Variants in CARS2 observed in about 807,000 individuals in gnomAD.
CARS2 encodes the protein cysteinyl-tRNA synthetase 2, mitochondrial, also known as probable cysteine--tRNA ligase, mitochondrial.
In CARS2, 52 loss-of-function variants were observed where a neutral mutation model predicts 68.8. The observed-to-expected ratio is 0.76, with a 90% CI of 0.61 to 0.95. The LOEUF (loss-of-function observed/expected upper bound fraction) is 0.95, where lower values mean the gene tolerates loss of function less well. Ranked by LOEUF, CARS2 falls within the 40% of genes least tolerant of loss-of-function variation. CARS2 has a pLI of 0.00. For synonymous variants in CARS2, 314 were observed against 303.6 expected, an observed-to-expected ratio of 1.03 and a Z score of -0.36; for missense variants, 780 against 754.2, an observed-to-expected ratio of 1.03 and a Z score of -0.40.
chr13:110,701,212 C>T (rs2063775481), intron 3 of CARS2: 2 of 334,224 alleles, frequency 6.0e-6, no homozygotes, highest in South Asian at 1.1e-4. Flanking sequence ...TACAGGAGCC[C>T]GCCACCACAC....
At chr13:110,649,931 C>CTGTTTTTTTTTTTTTGTTTTTTTTTT in intron 10 of CARS2, among the ~76,000 whole-genome samples, 1 of 73,184 alleles carries the variant, frequency 1.4e-5, no homozygotes. Context: ...TGGATAACGA[C>CTGTTTTTTTTTTTTTGTTTTTTTTTT]TTTTTTTTTT....
intron 3 of CARS2, among the ~76,000 whole-genome samples, chr13:110,692,035 C>CACAT (rs1555299989): frequency 1.2e-3 from 70 of 56,012 alleles, no homozygotes; most frequent in Middle Eastern, 8.2e-3. Flanking sequence ...CACACACACA[C>CACAT]ATATATATAT....
chr13:110,666,620 C>T (rs2062656999), intron 8 of CARS2: 2 of 985,408 alleles, frequency 2.0e-6, no homozygotes, highest in Non-Finnish European at 2.4e-6. Flanking sequence ...CACTTCTGCA[C>T]TTAATGTCAC....
intron 5 of CARS2, among the ~76,000 whole-genome samples, chr13:110,686,702 G>C (rs778118507): frequency 6.6e-6 from 1 of 151,392 alleles, no homozygotes; most frequent in Non-Finnish European, 1.5e-5. Flanking sequence ...GACCACAGGC[G>C]CGCGATACCA....
intron 5 of CARS2, among the ~76,000 whole-genome samples, chr13:110,686,382 A>G (rs2063305631): frequency 6.6e-6 from 1 of 151,738 alleles, no homozygotes; most frequent in African/African-American, 2.4e-5. Flanking sequence ...AGCTGAGACT[A>G]CAGGAGCACG....
rs451856 is a variant in CARS2, at chr13:110,646,747, C to T, written c.1193+354G>A. On this transcript the variant is annotated intron_variant, in intron 11 of 14. Transcript: ENST00000257347. ...CACTCTGAGCAGGGGGCTCAGAGCC[C>T]GAGGGCCCCAGGCACACTTCCTGCC... is the stretch of plus-strand genomic sequence containing the variant. The T allele has an allele frequency of 2.8e-3, 624 of 220,792 alleles. 4 individuals carry two copies. Among genetic ancestry groups the T allele is most frequent in the African/African-American group, 0.013 (578 of 44,054 alleles). The allele number at this position is 220,792 out of a possible 1,614,324, so 13.7% of individuals were successfully genotyped here.
chr13:110,667,559 T>G, intron 7 of CARS2, 86 bp from the exon 8 acceptor site: 1 of 1,237,546 alleles, frequency 8.1e-7, no homozygotes, highest in Middle Eastern at 1.9e-4. Flanking sequence ...CTTCCAGCCT[T>G]TTTAATTCAA....
At chr13:110,675,985 G>A (rs1021387899) in intron 7 of CARS2, among the ~76,000 whole-genome samples, 9 of 152,176 alleles carry the variant, frequency 5.9e-5, no homozygotes, top group Admixed American at 1.3e-4. Flanking sequence ...GAGAAATCCC[G>A]TCTCTACTAA....
At chr13:110,651,979 C>T (rs953311342) in intron 9 of CARS2, among the ~76,000 whole-genome samples, 4 of 152,356 alleles carry the variant, frequency 2.6e-5, no homozygotes, top group African/African-American at 9.6e-5. Context: ...GCCAGGGACG[C>T]GCTCCGACGG....
intron 6 of CARS2, 65 bp downstream of exon 6, chr13:110,682,986 T>C: frequency 9.0e-7 from 1 of 1,112,118 alleles, no homozygotes; most frequent in Admixed American, 2.5e-5. Flanking sequence ...CCAGATCTCA[T>C]CTCCCCAGAG....
Position 110,701,532 on chromosome 13 carries a change from A to G in CARS2, c.299T>C (p.Ile100Thr). ...HACSYVRFDI[I>T]RRILTKVFGC... is the part of the protein sequence containing the mutation. ...AAAAACCTTGGTTAGGATCCTTCGA[A>G]TGATATCAAATCTAACATATGAGCT... The change falls in exon 3 of 15, where the codon ATT (isoleucine) becomes ACT (threonine). Residue 100 changes from isoleucine to threonine, a missense_variant. Transcript: ENST00000257347. 6.5e-7 allele frequency: 1 copy of G among 1,548,424 alleles called. No homozygotes were observed. Among genetic ancestry groups the G allele is most frequent in the Non-Finnish European group, 8.9e-7 (1 of 1,120,054 alleles).
chr13:110,679,789 C>G (rs1376408939), intron 6 of CARS2, among the ~76,000 whole-genome samples: 1 of 151,972 alleles, frequency 6.6e-6, no homozygotes, highest in Non-Finnish European at 1.5e-5. Context: ...GATAGACAGC[C>G]ACAAAACTAT....
At chr13:110,682,385 G>T (rs948274304) in intron 6 of CARS2, among the ~76,000 whole-genome samples, 1 of 152,158 alleles carries the variant, frequency 6.6e-6, no homozygotes, top group African/African-American at 2.4e-5. Context: ...GCACCACGGC[G>T]GGGGAAGGAA....
At chr13:110,663,906 CA>C (rs1446561626) in intron 8 of CARS2, 1 of 1,010,234 alleles carries the variant, frequency 9.9e-7, no homozygotes, top group Admixed American at 5.9e-5. Context: ...TCTCATTTGA[CA>C]AATCAGGCAC....
chr13:110,691,027 T>G (rs1368980222), intron 3 of CARS2, among the ~76,000 whole-genome samples: 1 of 152,226 alleles, frequency 6.6e-6, no homozygotes, highest in African/African-American at 2.4e-5. Context: ...TTCTTTTTTT[T>G]CTTTTGAGAC....
rs933980253 is a variant in CARS2 at position 110,666,113 on chromosome 13, C to T, written c.919+1227G>A. ...TGGGCCACGGAAGAGAGACCTCCTT[C>T]CCCATGGTCAAAAGTGGAGTGCAGG... is the stretch of plus-strand genomic sequence containing the variant. On this transcript the variant is annotated intron_variant, in intron 8 of 14. Transcript: ENST00000257347. 4 of 985,354 alleles carry T rather than the reference C, an allele frequency of 4.1e-6. No individual in the cohort carries two copies. The South Asian group carries it at 1.4e-4, about 35-fold the overall frequency. 61.0% of individuals were successfully genotyped at this position (985,354 alleles called of 1,614,324 possible). A position where few individuals can be genotyped will look rare whatever the true frequency, so the allele number is the denominator to read the frequency against.
At chr13:110,704,487 G>A (rs1272424762) in intron 2 of CARS2, among the ~76,000 whole-genome samples, 3 of 152,232 alleles carry the variant, frequency 2.0e-5, no homozygotes, top group Non-Finnish European at 4.4e-5. Flanking sequence ...ACTTTGGGAG[G>A]CCAAGGCAGG....
chr13:110,707,086 CCAT>C (rs761187340), upstream of CARS2, among the ~76,000 whole-genome samples: 8 of 151,062 alleles, frequency 5.3e-5, no homozygotes, highest in Admixed American at 5.3e-4. Flanking sequence ...CTAACACACA[CCAT>C]GTCTGCACCC....
At chr13:110,692,574 T>TC (rs2063503043) in intron 3 of CARS2, among the ~76,000 whole-genome samples, 1 of 151,552 alleles carries the variant, frequency 6.6e-6, no homozygotes, top group African/African-American at 2.4e-5. Context: ...TTTTTTTTTT[T>TC]TTTGCTGTTC....
Sources: allele counts gnomAD v4.1 joint callset (sites outside exome capture counted in the v4.1 genomes callset), GRCh38; gene constraint gnomAD v4.1.1; transcripts MANE v1.5; gene names NCBI Gene and HGNC (gene_info 2026-07-23, HGNC 2026-07-21).